The following UBE2R2 variants were observed in gnomAD, a reference collection of about 807,000 sequenced individuals.
The protein encoded by UBE2R2 is ubiquitin-conjugating enzyme E2 R2.
A neutral mutation model predicts 27.8 loss-of-function variants in UBE2R2; 1 was observed. That is an observed-to-expected ratio of 0.04 (90% CI 0.01 to 0.17). The LOEUF (loss-of-function observed/expected upper bound fraction) is 0.17, where lower values mean the gene tolerates loss of function less well. UBE2R2 is among the 10% of genes least tolerant of loss of function. The pLI, the probability that UBE2R2 is intolerant of heterozygous loss-of-function variation, is 1.00. For synonymous variants in UBE2R2, 106 were observed against 113.3 expected, an observed-to-expected ratio of 0.94 and a Z score of 0.41; for missense variants, 100 against 291.0, an observed-to-expected ratio of 0.34 and a Z score of 4.78.
chr9:33,847,813 C>T (rs1304416125), intron 1 of UBE2R2, among the ~76,000 whole-genome samples: 1 of 144,048 alleles, frequency 6.9e-6, no homozygotes, highest in Non-Finnish European at 1.5e-5. Flanking sequence ...AGTGCAATGA[C>T]GTGATCTTGG....
At chr9:33,854,830 C>T (rs1373720655) in intron 1 of UBE2R2, among the ~76,000 whole-genome samples, 5 of 151,776 alleles carry the variant, frequency 3.3e-5, no homozygotes, top group African/African-American at 7.3e-5. Context: ...GTGATCCTCC[C>T]GCCTTAGCCT....
chr9:33,824,594 G>T (rs145628274), intron 1 of UBE2R2, among the ~76,000 whole-genome samples: 37 of 147,782 alleles, frequency 2.5e-4, no homozygotes, highest in African/African-American at 9.3e-4. Flanking sequence ...AACTGATATC[G>T]AGGCACTGCT....
At chr9:33,845,774 G>T (rs913196624) in intron 1 of UBE2R2, among the ~76,000 whole-genome samples, 1 of 151,990 alleles carries the variant, frequency 6.6e-6, no homozygotes, top group Admixed American at 6.6e-5. Context: ...TTGGGAGGCT[G>T]AGTCGGGCAG....
intron 1 of UBE2R2, among the ~76,000 whole-genome samples, chr9:33,850,542 C>T (rs1220930226): frequency 6.6e-6 from 1 of 152,052 alleles, no homozygotes; most frequent in East Asian, 1.9e-4. Context: ...CATCTGTGTC[C>T]TTATGGCTGA....
At chr9:33,841,303 C>T (rs1004494664) in intron 1 of UBE2R2, among the ~76,000 whole-genome samples, 2 of 152,142 alleles carry the variant, frequency 1.3e-5, no homozygotes, top group African/African-American at 4.8e-5. Context: ...TGGTCTCGAA[C>T]TCCTGACCTC....
At chr9:33,869,332 A>T (rs934107899) in intron 1 of UBE2R2, among the ~76,000 whole-genome samples, 1 of 152,250 alleles carries the variant, frequency 6.6e-6, no homozygotes, top group Non-Finnish European at 1.5e-5. Flanking sequence ...TAGTAGGATA[A>T]CAAAACTTAT....
chr9:33,854,062 GTTTCTTAGTTTCCTTTAT>G (rs1391677545), intron 1 of UBE2R2, among the ~76,000 whole-genome samples: 3 of 151,962 alleles, frequency 2.0e-5, no homozygotes, highest in Admixed American at 6.6e-5. Context: ...TTTTGACAAA[GTTTCTTAGTTTCCTTTAT>G]TTTTCTTTTT....
At chr9:33,834,281 A>C (rs1039432111) in intron 1 of UBE2R2, among the ~76,000 whole-genome samples, 4 of 150,458 alleles carry the variant, frequency 2.7e-5, no homozygotes, top group Admixed American at 1.3e-4. Flanking sequence ...GCTCACTGCA[A>C]CCTCCGTCTC....
At chr9:33,879,977 A>C (rs766158747) in intron 1 of UBE2R2, among the ~76,000 whole-genome samples, 4 of 150,736 alleles carry the variant, frequency 2.7e-5, no homozygotes, top group Non-Finnish European at 5.9e-5. Flanking sequence ...CAACCTCCCA[A>C]ACTTAAGTAG....
rs952943857 is a variant in UBE2R2 at position 33,818,147 on chromosome 9, G to T, written c.177+213G>T. On this transcript the variant is annotated intron_variant, in intron 1 of 4. Transcript: ENST00000263228. ...GGGGGCGGGGGCTCGGGCGGGGGCG[G>T]GAGGGCAGGCTGCACCGGGAAATCG... Among the ~76,000 whole-genome samples, 9 of 152,186 alleles carry T rather than the reference G, an allele frequency of 5.9e-5. 1 individual carries two copies. Among genetic ancestry groups the T allele is most frequent in the South Asian group, 4.1e-4 (2 of 4,826 alleles).
intron 1 of UBE2R2, among the ~76,000 whole-genome samples, chr9:33,853,338 G>T (rs1821013723): frequency 7.2e-6 from 1 of 139,544 alleles, no homozygotes; most frequent in South Asian, 2.3e-4. Context: ...TGCCTAGGCT[G>T]GAGTGCAGTG....
At chr9:33,862,993 C>T (rs994526000) in intron 1 of UBE2R2, among the ~76,000 whole-genome samples, 1 of 151,958 alleles carries the variant, frequency 6.6e-6, no homozygotes, top group Non-Finnish European at 1.5e-5. Context: ...TTGAGACCAT[C>T]CTGGCTAACA....
intron 1 of UBE2R2, among the ~76,000 whole-genome samples, chr9:33,866,476 C>G (rs1023333861): frequency 6.6e-6 from 1 of 151,946 alleles, no homozygotes; most frequent in Non-Finnish European, 1.5e-5. Context: ...TGACTTCAGG[C>G]GATCCACCCG....
intron 1 of UBE2R2, among the ~76,000 whole-genome samples, chr9:33,865,556 A>G (rs1467730574): frequency 1.3e-5 from 2 of 152,170 alleles, no homozygotes; most frequent in African/African-American, 4.8e-5. Context: ...GTTAACTATC[A>G]TACTTCTACT....
intron 1 of UBE2R2, among the ~76,000 whole-genome samples, chr9:33,841,465 A>G (rs1820732139): frequency 1.3e-5 from 2 of 152,064 alleles, no homozygotes; most frequent in South Asian, 4.1e-4. Context: ...CATCTTTGCT[A>G]TCTGGTATGA....
intron 1 of UBE2R2, among the ~76,000 whole-genome samples, chr9:33,821,858 A>T (rs1203298925): frequency 1.3e-5 from 2 of 152,080 alleles, no homozygotes; most frequent in East Asian, 3.9e-4. Context: ...ACCTTAAGTG[A>T]TCTGCCCATC....
At position 33,863,328 on chromosome 9, in the gene UBE2R2, A is replaced by G. The variant is rs576254871; in HGVS notation, c.178-23553A>G. Reference sequence around the variant, plus strand: ...CACCTGAGGTCCCAGCCTGGTCAACATGGTGAAACCCCATCTCTACTAAAA... The same window carrying G: ...CACCTGAGGTCCCAGCCTGGTCAACGTGGTGAAACCCCATCTCTACTAAAA... On this transcript the variant is annotated intron_variant, in intron 1 of 4. Transcript: ENST00000263228. Among the ~76,000 whole-genome samples the G allele has an allele frequency of 3.9e-5, 6 of 151,980 alleles. No homozygotes were observed. In the South Asian group the frequency reaches 1.2e-3, roughly 32 times the overall value.
chr9:33,823,015 G>A (rs182662416), intron 1 of UBE2R2, among the ~76,000 whole-genome samples: 32 of 146,666 alleles, frequency 2.2e-4, no homozygotes, highest in Non-Finnish European at 4.2e-4. Context: ...AGCAGTTCTC[G>A]TGCCTCAGCC....
At chr9:33,905,369 T>A (rs1822330781) in intron 3 of UBE2R2, among the ~76,000 whole-genome samples, 1 of 152,136 alleles carries the variant, frequency 6.6e-6, no homozygotes, top group Non-Finnish European at 1.5e-5. Flanking sequence ...GAAACAGGCA[T>A]AACCATGCTG....
Sources: gnomAD v4.1 joint callset for allele counts (sites outside exome capture counted in the v4.1 genomes callset) on GRCh38, gnomAD v4.1.1 for gene constraint, MANE v1.5 for transcripts, NCBI Gene and HGNC (gene_info 2026-07-23, HGNC 2026-07-21) for gene names.